Variants in CHEK1 observed in about 807,000 individuals in gnomAD.
CHEK1 encodes the protein serine/threonine-protein kinase Chk1.
CHEK1 carries 32 observed loss-of-function variants against 60.2 expected under a neutral mutation model. The ratio of observed to expected loss-of-function variants is 0.53; its 90% confidence interval spans 0.40 to 0.71. CHEK1 has a LOEUF of 0.71. Ranked by LOEUF, CHEK1 falls within the 30% of genes least tolerant of loss-of-function variation. The pLI, the probability that CHEK1 is intolerant of heterozygous loss-of-function variation, is 0.00. For missense variants in CHEK1, 399 were observed against 564.6 expected (o/e 0.71, Z 2.97); for synonymous variants, 179 against 187.2 (o/e 0.96, Z 0.36).
chr11:125,627,625 T>C lies in CHEK1; in HGVS notation c.84T>C (p.Asn28=). Residue 28 remains asparagine (N), a synonymous_variant, in exon 3 of 13, where the codon AAT becomes AAC. Transcript: ENST00000438015. Reference sequence around the variant, plus strand: ...TTTTTAGAGTTCAACTTGCTGTGAATAGAGTAACTGAAGAAGCAGTCGCAG... The same window carrying C: ...TTTTTAGAGTTCAACTTGCTGTGAACAGAGTAACTGAAGAAGCAGTCGCAG... ...GAYGEVQLAV[N]RVTEEAVAVK... The C allele has an allele frequency of 6.2e-7, 1 of 1,613,296 alleles. No individual in the cohort carries two copies. Among genetic ancestry groups the C allele is most frequent in the Non-Finnish European group, 8.5e-7 (1 of 1,179,684 alleles).
chr11:125,657,227 C>CA (rs1381394117), downstream of CHEK1: 1 of 128,950 alleles, frequency 7.8e-6, no homozygotes, highest in Non-Finnish European at 1.6e-5. Flanking sequence ...GTAATGTGTA[C>CA]AGTGTGTGTG....
chr11:125,627,731 C>T lies in CHEK1; in HGVS notation c.190C>T (p.His64Tyr). The T allele has an allele frequency of 6.2e-7, 1 of 1,613,676 alleles. No homozygotes were observed. The highest frequency in any genetic ancestry group is 8.5e-7 in the Non-Finnish European group (1 of 1,179,786). ...GATCTGTATCAATAAAATGCTAAATCATGAAAATGTAGTAAAATTCTATGG... is the reference window on the plus strand; with the variant it reads ...GATCTGTATCAATAAAATGCTAAATTATGAAAATGTAGTAAAATTCTATGG... ...KEICINKMLN[H>Y]ENVVKFYGHR... The change falls in exon 3 of 13, where the codon CAT (histidine) becomes TAT (tyrosine). Residue 64 changes from histidine to tyrosine, a missense_variant. This residue lies in a region of CHEK1 where 370 missense variants were observed against 494.8 expected (regional missense o/e 0.75). Transcript: ENST00000438015.
At chr11:125,669,828 C>G (rs1169404231) in intron 13 of CHEK1, among the ~76,000 whole-genome samples, 1 of 152,080 alleles carries the variant, frequency 6.6e-6, no homozygotes, top group Non-Finnish European at 1.5e-5. Context: ...CCGACCATGC[C>G]TAGGCATATT....
rs555752 is a variant in CHEK1 at position 125,625,626 on chromosome 11, G to T, written c.-407G>T. 0.2 allele frequency: 121,501 copies of T among 595,926 alleles called. 13,265 individuals are homozygous for T. The highest frequency in any genetic ancestry group is 0.37 in the Admixed American group (12,555 of 33,946). 36.9% of individuals were successfully genotyped at this position (595,926 alleles called of 1,614,324 possible). A position where few individuals can be genotyped will look rare whatever the true frequency, so the allele number is the denominator to read the frequency against. ...GGAGCGAAGCCCGCAGCCCCGCCTGGAAGCGCAGCGCGGTCGGTCGCGCGC... is the reference window on the plus strand; with the variant it reads ...GGAGCGAAGCCCGCAGCCCCGCCTGTAAGCGCAGCGCGGTCGGTCGCGCGC... On this transcript the variant is annotated 5_prime_UTR_variant, in exon 1 of 13. Coordinates refer to ENST00000438015, the MANE Select transcript of CHEK1 (RefSeq NM_001114122.3).
At chr11:125,676,390 G>T (rs1280009212), downstream of CHEK1, 1 of 1,614,060 alleles carries the variant, frequency 6.2e-7, no homozygotes, top group Non-Finnish European at 8.5e-7. Context: ...TGCACTGCTG[G>T]GAATTCTGAG....
At chr11:125,626,644 C>T in intron 1 of CHEK1, 105 bp from the exon 2 acceptor site, 1 of 916,592 alleles carries the variant, frequency 1.1e-6, no homozygotes, top group Non-Finnish European at 1.8e-6. Flanking sequence ...AAGGGGAAGG[C>T]AAGAGCTGTT....
rs2135977632 is a variant in CHEK1, at chr11:125,629,231, G to A, written c.290-1G>A. 6.2e-7 allele frequency: 1 copy of A among 1,613,942 alleles called. No homozygotes were observed. Among genetic ancestry groups the A allele is most frequent in the Non-Finnish European group, 8.5e-7 (1 of 1,179,866 alleles). On this transcript the variant is annotated splice_acceptor_variant, in intron 3 of 12. Coordinates refer to ENST00000438015, the MANE Select transcript of CHEK1 (RefSeq NM_001114122.3). LOFTEE classifies it high-confidence loss of function. ...TAAACTTACTTTCATATTTGTTTTA[G>A]AGCCAGACATAGGCATGCCTGAACC... is the stretch of plus-strand genomic sequence containing the variant.
At chr11:125,630,852 C>A (rs1254969577) in intron 5 of CHEK1, among the ~76,000 whole-genome samples, 1 of 151,954 alleles carries the variant, frequency 6.6e-6, no homozygotes, top group Non-Finnish European at 1.5e-5. Flanking sequence ...AGGAAACTAA[C>A]CCAAATGTCT....
Position 125,643,871 on chromosome 11 carries a change from G to A in CHEK1, c.894G>A (p.Leu298=), listed in dbSNP as rs2136026877. ...TTTCTAAGCACATTCAATCCAATTT[G>A]GACTTCTCTCCAGTAAACAGTGCTT... ...SGFSKHIQSN[L]DFSPVNSASS... is the part of the protein sequence containing the mutation. Residue 298 remains leucine (L), a synonymous_variant, in exon 9 of 13, where the codon TTG becomes TTA. Coordinates refer to ENST00000438015, the MANE Select transcript of CHEK1 (RefSeq NM_001114122.3). 6.2e-7 allele frequency: 1 copy of A among 1,614,040 alleles called. No individual in the cohort carries two copies. Among genetic ancestry groups the A allele is most frequent in the East Asian group, 2.2e-5 (1 of 44,860 alleles).
intron 13 of CHEK1, among the ~76,000 whole-genome samples, chr11:125,668,263 G>A (rs893847302): frequency 5.3e-5 from 8 of 152,092 alleles, no homozygotes; most frequent in Non-Finnish European, 8.8e-5. Context: ...CTTTCATTTG[G>A]AATAGTTCCT....
At chr11:125,669,988 A>G (rs1942173173) in intron 13 of CHEK1, among the ~76,000 whole-genome samples, 1 of 152,060 alleles carries the variant, frequency 6.6e-6, no homozygotes, top group Admixed American at 6.5e-5. Flanking sequence ...AATATCTTAC[A>G]TATTATTTGT....
chr11:125,629,503 A>G (rs1268117492), intron 5 of CHEK1, 43 bp downstream of exon 5: 3 of 1,345,532 alleles, frequency 2.2e-6, no homozygotes, highest in Admixed American at 1.9e-5. Flanking sequence ...AAATAAAATA[A>G]TTACCTAAAT....
intron 10 of CHEK1, 87 bp downstream of exon 10, chr11:125,644,355 A>G: frequency 6.8e-7 from 1 of 1,465,412 alleles, no homozygotes. Flanking sequence ...AATCTTAGAT[A>G]TATAACTTTT....
intron 13 of CHEK1, among the ~76,000 whole-genome samples, chr11:125,665,410 A>G (rs950164137): frequency 4.0e-5 from 6 of 151,826 alleles, no homozygotes; most frequent in Non-Finnish European, 8.8e-5. Flanking sequence ...TTTTGCATCT[A>G]TATTTATCAG....
intron 13 of CHEK1, among the ~76,000 whole-genome samples, chr11:125,665,226 T>G (rs974561653): frequency 5.3e-4 from 57 of 107,886 alleles, no homozygotes; most frequent in African/African-American, 1.5e-3. Flanking sequence ...TCCAGCTTTG[T>G]TTTTTTTTTT....
chr11:125,670,213 A>C (rs866669927), intron 13 of CHEK1, among the ~76,000 whole-genome samples: 2 of 152,208 alleles, frequency 1.3e-5, no homozygotes, highest in African/African-American at 4.8e-5. Context: ...GTATCTGTGT[A>C]AGATTCATTG....
At chr11:125,645,510 T>A (rs1425133494) in intron 11 of CHEK1, among the ~76,000 whole-genome samples, 1 of 152,184 alleles carries the variant, frequency 6.6e-6, no homozygotes, top group African/African-American at 2.4e-5. Context: ...CAATGCATGA[T>A]CTTTCACTAG....
intron 8 of CHEK1, among the ~76,000 whole-genome samples, chr11:125,638,585 A>G (rs1021118150): frequency 1.3e-5 from 2 of 152,018 alleles, no homozygotes; most frequent in African/African-American, 2.4e-5. Context: ...TTAAAGTCCA[A>G]TTCTCCCCTG....
intron 8 of CHEK1, among the ~76,000 whole-genome samples, chr11:125,640,467 G>C (rs34500049): frequency 6.6e-6 from 1 of 150,848 alleles, no homozygotes; most frequent in Admixed American, 6.6e-5. Context: ...CGTGAACCCC[G>C]GGGGGCGGAG....
Sources: allele counts gnomAD v4.1 joint callset (sites outside exome capture counted in the v4.1 genomes callset), GRCh38; gene constraint gnomAD v4.1.1; regional missense constraint gnomAD v4.1.1; transcripts MANE v1.5; gene names NCBI Gene and HGNC (gene_info 2026-07-23, HGNC 2026-07-21).